Variants in ANKH observed in about 807,000 individuals in gnomAD.
ANKH encodes the protein mineralization regulator ANKH.
In ANKH, 15 loss-of-function variants were observed where a neutral mutation model predicts 49.0. That is an observed-to-expected ratio of 0.31 (90% CI 0.20 to 0.47). The LOEUF (loss-of-function observed/expected upper bound fraction) is 0.47, where lower values mean the gene tolerates loss of function less well. Among genes scored for constraint, ANKH ranks in the 20% least tolerant of loss-of-function variants. The pLI, the probability that ANKH is intolerant of heterozygous loss-of-function variation, is 1.00. For missense variants in ANKH, 429 were observed against 652.0 expected (o/e 0.66, Z 3.72); for synonymous variants, 273 against 260.0 (o/e 1.05, Z -0.48).
chr5:14,804,983 C>T (rs561013941), intron 1 of ANKH, among the ~76,000 whole-genome samples: 27 of 152,272 alleles, frequency 1.8e-4, no homozygotes, highest in Non-Finnish European at 2.9e-4. Context: ...TCTACCTTTT[C>T]TTGCTGTGAC....
chr5:14,716,664 G>A, intron 9 of ANKH, 42 bp downstream of exon 9: 2 of 1,611,968 alleles, frequency 1.2e-6, no homozygotes, highest in Non-Finnish European at 1.7e-6. Flanking sequence ...AATTAGGCAT[G>A]AGGATAAACA....
chr5:14,852,854 T>C (rs1742155171), intron 1 of ANKH, among the ~76,000 whole-genome samples: 1 of 152,122 alleles, frequency 6.6e-6, no homozygotes, highest in African/African-American at 2.4e-5. Context: ...AGAGAATAGG[T>C]ATCCTGTGGG....
intron 2 of ANKH, among the ~76,000 whole-genome samples, chr5:14,761,299 C>A (rs944021047): frequency 6.6e-6 from 1 of 152,124 alleles, no homozygotes. Context: ...TACTTTGTTA[C>A]GGCAGCCCTG....
intron 8 of ANKH, among the ~76,000 whole-genome samples, chr5:14,736,068 C>A (rs1738173731): frequency 7.4e-6 from 1 of 135,626 alleles, no homozygotes; most frequent in African/African-American, 2.9e-5. Flanking sequence ...TACAAACAGC[C>A]ATTGACCTCG....
rs1737170568 is a variant in ANKH at position 14,711,146 on chromosome 5, G to GAAGTGTCATCCTGACTGACTGTC, written c.*28_*50dup. ...GATGGGAGAGGGAAGAGATGATGCC[G>GAAGTGTCATCCTGACTGACTGTC]AAGTGTCATCCTGACTGACTGTCCC... On this transcript the variant is annotated 3_prime_UTR_variant, in exon 12 of 12. Coordinates refer to ENST00000284268, the MANE Select transcript of ANKH (RefSeq NM_054027.6). 5 of 1,434,876 alleles carry GAAGTGTCATCCTGACTGACTGTC rather than the reference G, an allele frequency of 3.5e-6. No individual in the cohort carries two copies. In the African/African-American group the frequency reaches 5.6e-5, roughly 16 times the overall value. The allele number at this position is 1,434,876 out of a possible 1,614,324, so 88.9% of individuals were successfully genotyped here.
At chr5:14,848,554 C>T (rs1187793052) in intron 1 of ANKH, among the ~76,000 whole-genome samples, 3 of 152,240 alleles carry the variant, frequency 2.0e-5, no homozygotes, top group Non-Finnish European at 4.4e-5. Context: ...ATCGCAGACC[C>T]GCCGCTGACT....
intron 1 of ANKH, among the ~76,000 whole-genome samples, chr5:14,863,707 A>G (rs1437893453): frequency 3.3e-5 from 5 of 152,136 alleles, no homozygotes; most frequent in African/African-American, 9.7e-5. Context: ...TCACTCTGGT[A>G]TGCTATATCA....
chr5:14,748,508 T>G (rs1045316719), intron 6 of ANKH, among the ~76,000 whole-genome samples: 1 of 152,214 alleles, frequency 6.6e-6, no homozygotes, highest in African/African-American at 2.4e-5. Context: ...AGGAAGCCAA[T>G]GAAGTAATTC....
chr5:14,871,727 C>T lies in ANKH; in HGVS notation c.-280G>A, dbSNP rs1475187525. 1.3e-5 allele frequency: 2 copies of T among 155,406 alleles called. No individual in the cohort carries two copies. The highest frequency in any genetic ancestry group is 2.7e-5 in the Non-Finnish European group (2 of 73,838). 9.6% of individuals were successfully genotyped at this position (155,406 alleles called of 1,614,324 possible). A position where few individuals can be genotyped will look rare whatever the true frequency, so the allele number is the denominator to read the frequency against. ...AAAAAAAGAGGAGGGACGGCGGCGG[C>T]GGCGGCGGCGGCAGAAGGTTCTGCT... On this transcript the variant is annotated 5_prime_UTR_variant, in exon 1 of 12. Coordinates refer to ENST00000284268, the MANE Select transcript of ANKH (RefSeq NM_054027.6).
chr5:14,855,455 C>T (rs961938181), intron 1 of ANKH, among the ~76,000 whole-genome samples: 2 of 152,160 alleles, frequency 1.3e-5, no homozygotes, highest in Admixed American at 1.3e-4. Context: ...CCTCTGTGTT[C>T]CATACTCCCC....
rs140388068 is a variant in ANKH, at chr5:14,854,099, A to G, written c.96+17253T>C. Reference sequence around the variant, plus strand: ...TCTATATCACTATTTCATTAAGGCAAATGGCTGAGAACTAACTGTATTATA... The same window carrying G: ...TCTATATCACTATTTCATTAAGGCAGATGGCTGAGAACTAACTGTATTATA... On this transcript the variant is annotated intron_variant, in intron 1 of 11. Coordinates refer to ENST00000284268, the MANE Select transcript of ANKH (RefSeq NM_054027.6). Among the ~76,000 whole-genome samples the G allele has an allele frequency of 5.1e-4, 78 of 152,364 alleles. 1 individual carries two copies. Among genetic ancestry groups the G allele is most frequent in the African/African-American group, 1.8e-3 (73 of 41,586 alleles).
At chr5:14,741,951 G>A (rs1738373281) in intron 7 of ANKH, 29 bp from the exon 8 acceptor site, 1 of 1,577,270 alleles carries the variant, frequency 6.3e-7, no homozygotes, top group African/African-American at 1.3e-5. Context: ...AGTCATGAAT[G>A]GGCCCGGCTT....
chr5:14,842,529 C>T (rs1419645964), intron 1 of ANKH, among the ~76,000 whole-genome samples: 1 of 152,176 alleles, frequency 6.6e-6, no homozygotes, highest in Admixed American at 6.5e-5. Context: ...CTATAGGACA[C>T]AGACTCTCTT....
At chr5:14,798,434 G>C (rs1262190498) in intron 1 of ANKH, 1 of 1,533,022 alleles carries the variant, frequency 6.5e-7, no homozygotes, top group Non-Finnish European at 8.9e-7. Flanking sequence ...TCCTGGGGTC[G>C]AGCGTTGTGG....
intron 1 of ANKH, among the ~76,000 whole-genome samples, chr5:14,853,102 T>TC (rs747006722): frequency 7.3e-5 from 11 of 151,620 alleles, no homozygotes; most frequent in South Asian, 2.1e-4. Context: ...GGCACCAACC[T>TC]CCCCCCAAAC....
At chr5:14,776,367 C>G (rs182859487) in intron 1 of ANKH, among the ~76,000 whole-genome samples, 1 of 152,186 alleles carries the variant, frequency 6.6e-6, no homozygotes, top group East Asian at 1.9e-4. Context: ...GAGGGTCGGT[C>G]TGGGCTATGG....
At chr5:14,715,913 C>CCT (rs1309327916) in intron 9 of ANKH, among the ~76,000 whole-genome samples, 2 of 152,234 alleles carry the variant, frequency 1.3e-5, no homozygotes, top group African/African-American at 4.8e-5. Flanking sequence ...ATCCATCTGG[C>CCT]CTCAGGTTCC....
rs779096543 is a variant in ANKH at position 14,758,556 on chromosome 5, T to C, written c.356A>G (p.His119Arg). The part of the protein sequence containing the change: ...LGYYIINKLH[H>R]VDESVGSKTR... ...CTTGCTCCCCACCGACTCGTCCACA[T>C]GGTGCAGTTTATTGATAATGTAGTA... The change falls in exon 3 of 12, where the codon CAT (histidine) becomes CGT (arginine). Residue 119 changes from histidine (H) to arginine (R), a missense_variant. Physicochemically the swap from His to Arg is conservative, Grantham distance 29. This residue lies in a region of ANKH where 378 missense variants were observed against 615.3 expected (regional missense o/e 0.61). Coordinates refer to ENST00000284268, the MANE Select transcript of ANKH (RefSeq NM_054027.6). 3.1e-6 allele frequency: 5 copies of C among 1,614,182 alleles called. No individual in the cohort carries two copies. Among genetic ancestry groups the C allele is most frequent in the South Asian group, 1.1e-5 (1 of 91,090 alleles).
intron 1 of ANKH, among the ~76,000 whole-genome samples, chr5:14,772,570 A>C (rs867736560): frequency 9.2e-5 from 14 of 152,216 alleles, no homozygotes; most frequent in Admixed American, 3.3e-4. Context: ...ATTTTCCCTG[A>C]TGGAATACAT....
Sources: allele counts gnomAD v4.1 joint callset (sites outside exome capture counted in the v4.1 genomes callset), GRCh38; gene constraint gnomAD v4.1.1; regional missense constraint gnomAD v4.1.1; transcripts MANE v1.5; gene names NCBI Gene and HGNC (gene_info 2026-07-23, HGNC 2026-07-21).